Variants in SMIM36 observed in about 807,000 individuals in gnomAD.
SMIM36 encodes the protein small integral membrane protein 36.
At chr17:55,492,015 T>C (rs554217126) in intron 1 of SMIM36, among the ~76,000 whole-genome samples, 5 of 151,548 alleles carry the variant, frequency 3.3e-5, no homozygotes, top group East Asian at 4.0e-4. Context: ...AAAAATTAGC[T>C]GGGCGTGGTG....
intron 1 of SMIM36, among the ~76,000 whole-genome samples, chr17:55,493,426 C>G (rs1490805206): frequency 6.6e-6 from 1 of 152,136 alleles, no homozygotes; most frequent in Non-Finnish European, 1.5e-5. Flanking sequence ...GAACCAAGCA[C>G]AGGGTCAACT....
chr17:55,454,811 C>T (rs541770170), intron 4 of SMIM36, among the ~76,000 whole-genome samples: 2 of 152,176 alleles, frequency 1.3e-5, no homozygotes, highest in Non-Finnish European at 2.9e-5. Flanking sequence ...AATTTAAAAT[C>T]TTCACGATGC....
chr17:55,530,981 A>G, the SMIM36 span, among the ~76,000 whole-genome samples: 2 of 152,166 alleles, frequency 1.3e-5, no homozygotes, highest in Non-Finnish European at 2.9e-5. Flanking sequence ...ACCTAATAAT[A>G]ATGATTTAAT....
the SMIM36 span, among the ~76,000 whole-genome samples, chr17:55,528,749 C>T: frequency 1.3e-5 from 2 of 152,028 alleles, no homozygotes; most frequent in Non-Finnish European, 2.9e-5. Flanking sequence ...AGGGGTCTTA[C>T]CATGTTGGCC....
chr17:55,494,755 A>G (rs1041394131), intron 1 of SMIM36, among the ~76,000 whole-genome samples: 7 of 152,172 alleles, frequency 4.6e-5, no homozygotes, highest in African/African-American at 7.2e-5. Flanking sequence ...ATAAGTATAG[A>G]TAAGTGTATA....
At chr17:55,473,380 TC>T (rs1909374303) in intron 3 of SMIM36, among the ~76,000 whole-genome samples, 1 of 152,162 alleles carries the variant, frequency 6.6e-6, no homozygotes, top group Admixed American at 6.5e-5. Flanking sequence ...GATCGACACC[TC>T]CACCAGATGG....
chr17:55,486,013 A>G (rs1363202921), intron 1 of SMIM36, among the ~76,000 whole-genome samples: 4 of 137,676 alleles, frequency 2.9e-5, no homozygotes, highest in East Asian at 2.0e-4. Context: ...AGAAAGAAAG[A>G]GCTTTCTTTT....
At chr17:55,487,933 C>T (rs909151887) in intron 1 of SMIM36, among the ~76,000 whole-genome samples, 1 of 152,184 alleles carries the variant, frequency 6.6e-6, no homozygotes, top group African/African-American at 2.4e-5. Flanking sequence ...CCAGACCAGC[C>T]TCAAACAAGG....
At chr17:55,463,015 C>G (rs1286018650) in intron 4 of SMIM36, among the ~76,000 whole-genome samples, 1 of 152,112 alleles carries the variant, frequency 6.6e-6, no homozygotes, top group East Asian at 1.9e-4. Context: ...AACATTTGGC[C>G]TCTGAGTCAG....
At chr17:55,491,920 G>A (rs1238340455) in intron 1 of SMIM36, among the ~76,000 whole-genome samples, 3 of 152,100 alleles carry the variant, frequency 2.0e-5, no homozygotes, top group Non-Finnish European at 2.9e-5. Context: ...AGCACTTCCG[G>A]AGGCCGAGGT....
intron 1 of SMIM36, among the ~76,000 whole-genome samples, chr17:55,484,128 GA>G (rs778001967): frequency 6.6e-6 from 1 of 151,520 alleles, no homozygotes; most frequent in South Asian, 2.1e-4. Flanking sequence ...TTTTTAAACA[GA>G]AAAAAATCAC....
At chr17:55,481,381 C>A (rs1909518331) in intron 1 of SMIM36, among the ~76,000 whole-genome samples, 1 of 152,018 alleles carries the variant, frequency 6.6e-6, no homozygotes, top group Admixed American at 6.6e-5. Flanking sequence ...GCCCAATAAC[C>A]AGGCAGAAGA....
the SMIM36 span, among the ~76,000 whole-genome samples, chr17:55,531,613 G>C: frequency 6.6e-6 from 1 of 152,164 alleles, no homozygotes; most frequent in Non-Finnish European, 1.5e-5. Flanking sequence ...ATTGGCTGAC[G>C]TACCGAAAGA....
chr17:55,451,295 T>C (rs1052012369), intron 4 of SMIM36, among the ~76,000 whole-genome samples: 7 of 152,226 alleles, frequency 4.6e-5, no homozygotes, highest in Non-Finnish European at 7.3e-5. Flanking sequence ...TTTCTACCAG[T>C]GTCTCCATCC....
upstream of SMIM36, among the ~76,000 whole-genome samples, chr17:55,513,930 C>T (rs1910223885): frequency 1.3e-5 from 2 of 152,050 alleles, no homozygotes; most frequent in African/African-American, 4.8e-5. Context: ...CCCGTGGTGT[C>T]CCGGAATGTT....
At chr17:55,451,880 T>A (rs2143220486) in intron 4 of SMIM36, among the ~76,000 whole-genome samples, 1 of 152,170 alleles carries the variant, frequency 6.6e-6, no homozygotes, top group Admixed American at 6.5e-5. Flanking sequence ...GAGGACCACT[T>A]GAGGCCAGGA....
At chr17:55,526,954 G>A in the SMIM36 span, 1 of 152,098 alleles carries the variant, frequency 6.6e-6, no homozygotes, top group African/African-American at 2.4e-5. Flanking sequence ...TCAGCTGTTG[G>A]CTCTCAGCAC....
At chr17:55,490,472 G>A (rs1352422514) in intron 1 of SMIM36, among the ~76,000 whole-genome samples, 3 of 152,112 alleles carry the variant, frequency 2.0e-5, no homozygotes, top group African/African-American at 7.2e-5. Flanking sequence ...ATGTTCTAAA[G>A]AATAATTTTA....
intron 1 of SMIM36, among the ~76,000 whole-genome samples, chr17:55,509,868 G>C (rs1910150621): frequency 6.6e-6 from 1 of 152,082 alleles, no homozygotes; most frequent in Non-Finnish European, 1.5e-5. Context: ...GGGAGAGCAG[G>C]CAGTGTTCTG....
Sources: gnomAD v4.1 joint callset for allele counts (sites outside exome capture counted in the v4.1 genomes callset) on GRCh38, gnomAD v4.1.1 for gene constraint, MANE v1.5 for transcripts, NCBI Gene and HGNC (gene_info 2026-07-23, HGNC 2026-07-21) for gene names.